CPVL: variants seen among roughly 807,000 people sequenced by gnomAD.
The protein encoded by CPVL is carboxypeptidase vitellogenic like, also known as probable serine carboxypeptidase CPVL.
CPVL carries 51 observed loss-of-function variants against 63.7 expected under a neutral mutation model. The observed-to-expected ratio is 0.80, with a 90% CI of 0.64 to 1.01. The LOEUF (loss-of-function observed/expected upper bound fraction) is 1.01, where lower values mean the gene tolerates loss of function less well. Ranked by LOEUF, CPVL falls within the 50% of genes least tolerant of loss-of-function variation. The probability of loss-of-function intolerance (pLI) is 0.00; values close to 1 mark genes in which losing one functional copy is unlikely to be tolerated. For synonymous variants in CPVL, 195 were observed against 206.0 expected (o/e 0.95, Z 0.46); for missense variants, 530 against 573.1 (o/e 0.92, Z 0.77).
intron 12 of CPVL, among the ~76,000 whole-genome samples, chr7:29,004,760 G>A (rs1785007187): frequency 1.3e-5 from 2 of 152,126 alleles, no homozygotes; most frequent in South Asian, 2.1e-4. Context: ...AGGGCTTTGA[G>A]TGCTAAAAGT....
chr7:29,123,181 T>A (rs1402575270), intron 1 of CPVL, among the ~76,000 whole-genome samples: 1 of 152,194 alleles, frequency 6.6e-6, no homozygotes, highest in Non-Finnish European at 1.5e-5. Flanking sequence ...AACGACATGC[T>A]TATTACAACC....
At chr7:29,010,303 A>C (rs1434950504) in intron 12 of CPVL, 1 of 151,964 alleles carries the variant, frequency 6.6e-6, no homozygotes, top group Non-Finnish European at 1.5e-5. Context: ...TTTACTCTCT[A>C]AATGTAAGCT....
chr7:29,132,388 G>C (rs1180291893), intron 1 of CPVL, among the ~76,000 whole-genome samples: 2 of 152,136 alleles, frequency 1.3e-5, no homozygotes, highest in Non-Finnish European at 2.9e-5. Context: ...CAGTGTCCAG[G>C]AAGTCCAACA....
intron 11 of CPVL, among the ~76,000 whole-genome samples, chr7:29,045,247 A>G (rs1390370310): frequency 6.6e-6 from 1 of 152,176 alleles, no homozygotes; most frequent in Non-Finnish European, 1.5e-5. Context: ...TTTTCCCTTT[A>G]TTCTCTGAAA....
chr7:29,045,412 A>T (rs187234068), intron 11 of CPVL, among the ~76,000 whole-genome samples: 72 of 152,326 alleles, frequency 4.7e-4, no homozygotes, highest in African/African-American at 1.6e-3. Context: ...ATCTGCCTAT[A>T]ATGTGGCAGT....
chr7:29,078,982 C>T (rs1044529139), intron 7 of CPVL, among the ~76,000 whole-genome samples: 2 of 152,168 alleles, frequency 1.3e-5, no homozygotes, highest in South Asian at 2.1e-4. Context: ...AGCTTGAATG[C>T]TATCTAATAA....
chr7:29,116,453 A>G (rs1788786934), intron 2 of CPVL, among the ~76,000 whole-genome samples: 1 of 152,244 alleles, frequency 6.6e-6, no homozygotes, highest in South Asian at 2.1e-4. Flanking sequence ...TCACAATACA[A>G]ATGTTTAGAA....
chr7:29,110,824 A>G (rs1335775925), intron 3 of CPVL, among the ~76,000 whole-genome samples: 1 of 152,244 alleles, frequency 6.6e-6, no homozygotes, highest in African/African-American at 2.4e-5. Flanking sequence ...TCATCATAAG[A>G]GTCCTTTTAG....
At chr7:29,121,154 T>G (rs951215266) in intron 1 of CPVL, 83 bp from the exon 2 acceptor site, 1 of 1,322,062 alleles carries the variant, frequency 7.6e-7, no homozygotes, top group Non-Finnish European at 1.0e-6. Context: ...ATTCATTTAT[T>G]CACTTAAAAA....
intron 5 of CPVL, among the ~76,000 whole-genome samples, chr7:29,173,125 T>C (rs933189881): frequency 2.8e-5 from 4 of 141,484 alleles, no homozygotes; most frequent in Non-Finnish European, 6.1e-5. Flanking sequence ...AGCAAGACTC[T>C]GTATCAAAAA....
At chr7:29,172,060 G>A (rs1040633322) in intron 5 of CPVL, among the ~76,000 whole-genome samples, 1 of 152,094 alleles carries the variant, frequency 6.6e-6, no homozygotes, top group African/African-American at 2.4e-5. Flanking sequence ...CAGCCAGATG[G>A]GCCAAATCAG....
intron 3 of CPVL, among the ~76,000 whole-genome samples, chr7:29,111,509 A>G (rs1394993569): frequency 6.6e-6 from 1 of 152,188 alleles, no homozygotes. Flanking sequence ...CACTCAACAC[A>G]ACACTGACGA....
chr7:29,184,892 T>C (rs566611240), intron 3 of CPVL, among the ~76,000 whole-genome samples: 1 of 152,296 alleles, frequency 6.6e-6, no homozygotes, highest in East Asian at 1.9e-4. Context: ...CCCTGAGGAA[T>C]GGGAGTTTAT....
chr7:29,141,514 C>A (rs958207674), intron 1 of CPVL, among the ~76,000 whole-genome samples: 4 of 151,224 alleles, frequency 2.6e-5, no homozygotes, highest in African/African-American at 9.9e-5. Flanking sequence ...CGCCCCACTG[C>A]ACTCCAGCCT....
At chr7:29,012,534 A>G (rs1281539166) in intron 12 of CPVL, 1 of 152,248 alleles carries the variant, frequency 6.6e-6, no homozygotes, top group African/African-American at 2.4e-5. Context: ...ACTGAAGTCT[A>G]CAATTTAGAT....
intron 12 of CPVL, chr7:29,009,394 A>T (rs879872777): frequency 1.3e-5 from 2 of 152,166 alleles, no homozygotes; most frequent in Non-Finnish European, 2.9e-5. Flanking sequence ...TTTGGAAAAC[A>T]GTTTAACATT....
At chr7:28,994,826 A>G (rs2128118489), downstream of CPVL, among the ~76,000 whole-genome samples, 1 of 152,316 alleles carries the variant, frequency 6.6e-6, no homozygotes, top group Admixed American at 6.5e-5. Flanking sequence ...CAGTTCATAG[A>G]TGGGTAATAT....
intron 6 of CPVL, among the ~76,000 whole-genome samples, chr7:29,091,315 C>T (rs566665322): frequency 2.6e-5 from 4 of 151,594 alleles, no homozygotes; most frequent in South Asian, 4.2e-4. Flanking sequence ...AGAGGGGGCC[C>T]GATGCATCTC....
chr7:29,184,199 A>AGAT (rs397934898), intron 4 of CPVL, among the ~76,000 whole-genome samples: 2 of 149,122 alleles, frequency 1.3e-5, no homozygotes, highest in Non-Finnish European at 3.0e-5. Context: ...ATAGATAGAT[A>AGAT]AAAGAGATAT....
Sources: gnomAD v4.1 joint callset for allele counts (sites outside exome capture counted in the v4.1 genomes callset) on GRCh38, gnomAD v4.1.1 for gene constraint, MANE v1.5 for transcripts, NCBI Gene and HGNC (gene_info 2026-07-23, HGNC 2026-07-21) for gene names.